The following MDGA2 variants were observed in gnomAD, a reference collection of about 807,000 sequenced individuals.
MDGA2 encodes MAM domain-containing glycosylphosphatidylinositol anchor protein 2.
Under a neutral mutation model 117.8 loss-of-function variants are expected in MDGA2, and 40 were observed. The ratio of observed to expected loss-of-function variants is 0.34; its 90% CI spans 0.26 to 0.44. The LOEUF is 0.44. Ranked by LOEUF, MDGA2 falls within the 20% of genes least tolerant of loss-of-function variation. The pLI is 1.00. For missense variants in MDGA2, 1,123 were observed against 1,250.6 expected, an observed-to-expected ratio of 0.90 and a Z score of 1.54; for synonymous variants, 452 against 439.0, an observed-to-expected ratio of 1.03 and a Z score of -0.37.
At chr14:47,667,733 C>A (rs1898001157) in intron 1 of MDGA2, among the ~76,000 whole-genome samples, 1 of 152,160 alleles carries the variant, frequency 6.6e-6, no homozygotes, top group Non-Finnish European at 1.5e-5. Context: ...GTGAACAAAC[C>A]CTTCCTCTTT....
chr14:47,306,289 T>C (rs920236941), intron 1 of MDGA2: 4 of 152,164 alleles, frequency 2.6e-5, no homozygotes, highest in African/African-American at 9.7e-5. Context: ...ATTTTTTATT[T>C]TAATAGGAGA....
intron 1 of MDGA2, among the ~76,000 whole-genome samples, chr14:47,415,340 A>G (rs574860918): frequency 1.3e-5 from 2 of 151,602 alleles, no homozygotes; most frequent in Non-Finnish European, 2.9e-5. Flanking sequence ...CTTGTTTAAA[A>G]TATGTTTTAC....
At chr14:46,952,924 A>G (rs1480200890) in intron 9 of MDGA2, among the ~76,000 whole-genome samples, 1 of 152,070 alleles carries the variant, frequency 6.6e-6, no homozygotes, top group East Asian at 1.9e-4. Context: ...TAGGCAATGA[A>G]CAGAATCAAC....
intron 6 of MDGA2, among the ~76,000 whole-genome samples, chr14:47,085,914 A>C (rs1278506870): frequency 1.3e-5 from 2 of 152,104 alleles, no homozygotes; most frequent in Admixed American, 1.3e-4. Context: ...ATTAAAGAGA[A>C]AGTAACACTG....
At chr14:47,630,146 A>G (rs1178122170) in intron 1 of MDGA2, among the ~76,000 whole-genome samples, 9 of 152,190 alleles carry the variant, frequency 5.9e-5, no homozygotes, top group Non-Finnish European at 8.8e-5. Flanking sequence ...CACACACAGC[A>G]TAAGTTTAAA....
intron 12 of MDGA2, 120 bp from the exon 13 acceptor site, chr14:46,874,320 T>C: frequency 2.3e-6 from 1 of 443,786 alleles, no homozygotes; most frequent in East Asian, 3.8e-5. Flanking sequence ...GACAATGGCA[T>C]GAGAGCCATA....
At chr14:47,533,988 G>A (rs898166672) in intron 1 of MDGA2, among the ~76,000 whole-genome samples, 16 of 152,094 alleles carry the variant, frequency 1.1e-4, no homozygotes, top group African/African-American at 3.9e-4. Context: ...TAATCTACAT[G>A]AGGTCCTAGT....
intron 3 of MDGA2, 53 bp downstream of exon 3, chr14:47,217,968 A>C (rs2139511038): frequency 7.3e-7 from 1 of 1,377,454 alleles, no homozygotes; most frequent in Non-Finnish European, 9.6e-7. Flanking sequence ...GACTTGTAAG[A>C]CAAAAGAAAT....
intron 2 of MDGA2, among the ~76,000 whole-genome samples, chr14:47,273,927 T>C (rs1405367779): frequency 6.6e-6 from 1 of 152,136 alleles, no homozygotes; most frequent in Non-Finnish European, 1.5e-5. Context: ...GAGGAACTTT[T>C]ATGTCAACAT....
intron 8 of MDGA2, among the ~76,000 whole-genome samples, chr14:46,977,202 T>A (rs879435956): frequency 6.6e-6 from 1 of 151,706 alleles, no homozygotes; most frequent in African/African-American, 2.4e-5. Context: ...AAATTTCATA[T>A]CAGAAAAAAA....
At chr14:47,127,866 C>T (rs1052911989) in intron 5 of MDGA2, among the ~76,000 whole-genome samples, 1 of 151,908 alleles carries the variant, frequency 6.6e-6, no homozygotes, top group African/African-American at 2.4e-5. Context: ...GGAATTCTAT[C>T]ACTTTTCCTG....
intron 14 of MDGA2, among the ~76,000 whole-genome samples, chr14:46,857,417 C>T: frequency 6.6e-6 from 1 of 151,980 alleles, no homozygotes; most frequent in Non-Finnish European, 1.5e-5. Context: ...TAAAGGTGTT[C>T]CATTATCTTC....
intron 3 of MDGA2, among the ~76,000 whole-genome samples, chr14:47,163,225 T>C (rs1043159810): frequency 4.6e-5 from 7 of 152,134 alleles, no homozygotes; most frequent in African/African-American, 7.2e-5. Context: ...CTGGAGACAA[T>C]CTCCCTGCCT....
chr14:47,012,903 T>TA (rs1408105769), intron 8 of MDGA2, among the ~76,000 whole-genome samples: 1 of 152,076 alleles, frequency 6.6e-6, no homozygotes, highest in Admixed American at 6.6e-5. Flanking sequence ...GCATTGAGTC[T>TA]AAAAAAACAA....
chr14:46,956,724 C>A (rs1885576250), intron 9 of MDGA2, among the ~76,000 whole-genome samples: 1 of 151,996 alleles, frequency 6.6e-6, no homozygotes, highest in Non-Finnish European at 1.5e-5. Flanking sequence ...TATTGAAACA[C>A]TCAAAATAAC....
chr14:47,231,162 T>C (rs1886676530), intron 2 of MDGA2, among the ~76,000 whole-genome samples: 1 of 152,016 alleles, frequency 6.6e-6, no homozygotes, highest in African/African-American at 2.4e-5. Context: ...AATTAGTAAA[T>C]AGTGCTTCCA....
At chr14:47,011,255 T>G (rs1311056431) in intron 8 of MDGA2, among the ~76,000 whole-genome samples, 1 of 151,958 alleles carries the variant, frequency 6.6e-6, no homozygotes, top group Non-Finnish European at 1.5e-5. Flanking sequence ...ACTATGACCT[T>G]GGAATAACAT....
intron 1 of MDGA2, among the ~76,000 whole-genome samples, chr14:47,614,004 T>A (rs948694541): frequency 6.6e-6 from 1 of 151,886 alleles, no homozygotes; most frequent in East Asian, 1.9e-4. Flanking sequence ...TTAGAAGTTA[T>A]GATAAACTTT....
intron 1 of MDGA2, among the ~76,000 whole-genome samples, chr14:47,380,828 A>G (rs1891603429): frequency 6.6e-6 from 1 of 152,118 alleles, no homozygotes; most frequent in Non-Finnish European, 1.5e-5. Flanking sequence ...TCCAATGAAT[A>G]GAAAAAGAGG....
Sources: allele counts gnomAD v4.1 joint callset (sites outside exome capture counted in the v4.1 genomes callset), GRCh38; gene constraint gnomAD v4.1.1; transcripts MANE v1.5; gene names NCBI Gene and HGNC (gene_info 2026-07-23, HGNC 2026-07-21).